Variants in KIRREL3 observed in about 807,000 individuals in gnomAD.
The protein encoded by KIRREL3 is kin of IRRE-like protein 3.
KIRREL3 carries 36 observed loss-of-function variants against 89.7 expected under a neutral mutation model. The observed-to-expected ratio is 0.40, with a 90% CI of 0.31 to 0.53. The LOEUF (loss-of-function observed/expected upper bound fraction) is 0.53, where lower values mean the gene tolerates loss of function less well. Among genes scored for constraint, KIRREL3 ranks in the 20% least tolerant of loss-of-function variants. KIRREL3 has a pLI of 0.49. For synonymous variants in KIRREL3, 445 were observed against 441.4 expected (o/e 1.01, Z -0.10); for missense variants, 864 against 1,056.6 (o/e 0.82, Z 2.53).
rs1207422510 is a variant in KIRREL3, at chr11:126,815,635, G to A, written c.55+184820C>T. 7.9e-5 allele frequency among the ~76,000 whole-genome samples: 12 copies of A among 152,208 alleles called. No homozygotes were observed. In the East Asian group the frequency reaches 1.5e-3, roughly 20 times the overall value. On this transcript the variant is annotated intron_variant, in intron 1 of 16. Transcript: ENST00000525144. ...TGCAAGCTCCGCCTCCCACGTTCAC[G>A]CCATTCTCCTGCCTCAGCCTCCCGA... is the stretch of plus-strand genomic sequence containing the variant.
At position 126,641,085 on chromosome 11, in the gene KIRREL3, T is replaced by G. The variant is rs1470170946; in HGVS notation, c.56-78173A>C. Among the ~76,000 whole-genome samples the G allele has an allele frequency of 2.0e-5, 3 of 152,174 alleles. No homozygotes were observed. In the East Asian group the frequency reaches 5.8e-4, roughly 29 times the overall value. On this transcript the variant is annotated intron_variant, in intron 1 of 16. Transcript: ENST00000525144. This position sits in a 1 kb window ranked among gnomAD's most constrained non-coding sequence, Gnocchi z 5.0. ...CACAGGCCTGCCCCTCTCACGGTCT[T>G]CTTCATCTTTGAAGAAGATGATAAA...
At chr11:126,440,596 C>T (rs1229669035) in intron 10 of KIRREL3, 47 bp from the exon 11 acceptor site, 2 of 1,502,766 alleles carry the variant, frequency 1.3e-6, no homozygotes, top group East Asian at 4.9e-5. Context: ...GGGCACGTCC[C>T]TGCTGGCGCC....
At position 126,799,382 on chromosome 11, in the gene KIRREL3, GCGTGTATC is replaced by G. The variant is rs1565741547; in HGVS notation, c.55+201065_55+201072del. On this transcript the variant is annotated intron_variant, in intron 1 of 16. Coordinates refer to ENST00000525144, the MANE Select transcript of KIRREL3 (RefSeq NM_032531.4). The stretch of plus-strand genomic sequence containing the variant: ...TGTATCTGTGTATCTGTGTGTGCAT[GCGTGTATC>G]TGTGTGTGCATCTATCTGTGTGTGC... Among the ~76,000 whole-genome samples, 15 of 107,726 alleles carry G rather than the reference GCGTGTATC, an allele frequency of 1.4e-4. 1 individual carries two copies. Among genetic ancestry groups the G allele is most frequent in the African/African-American group, 6.4e-4 (15 of 23,274 alleles). 70.7% of individuals were successfully genotyped at this position (107,726 alleles called of 152,430 possible). A position where few individuals can be genotyped will look rare whatever the true frequency, so the allele number is the denominator to read the frequency against.
rs1411791302 is a variant in KIRREL3 at position 126,776,275 on chromosome 11, G to T, written c.56-213363C>A. ...GAACAGGGAGGAGCTGGAGGACTTG[G>T]AAGGGAATGTGTGCTTCCGGTGGAG... On this transcript the variant is annotated intron_variant, in intron 1 of 16. Coordinates refer to ENST00000525144, the MANE Select transcript of KIRREL3 (RefSeq NM_032531.4). This position sits in a 1 kb window ranked among gnomAD's most constrained non-coding sequence, Gnocchi z 4.7. Among the ~76,000 whole-genome samples, 1 of 152,200 alleles carries T rather than the reference G, an allele frequency of 6.6e-6. No homozygotes were observed. The highest frequency in any genetic ancestry group is 1.5e-5 in the Non-Finnish European group (1 of 68,042).
At chr11:126,469,446 G>A (rs1179735493) in intron 5 of KIRREL3, among the ~76,000 whole-genome samples, 1 of 152,056 alleles carries the variant, frequency 6.6e-6, no homozygotes, top group Non-Finnish European at 1.5e-5. Flanking sequence ...AGCCCTGGGG[G>A]AGGAGGGGGT....
At position 126,462,892 on chromosome 11, in the gene KIRREL3, T is replaced by C. The variant is rs1956592636; in HGVS notation, c.742+265A>G. On this transcript the variant is annotated intron_variant, in intron 6 of 16. Transcript: ENST00000525144. This position sits in a 1 kb window ranked among gnomAD's most constrained non-coding sequence, Gnocchi z 4.8. The stretch of plus-strand genomic sequence containing the variant: ...CAGCAGAGGCAGCAGCTGACCGTAT[T>C]TATTGGTGTGAAAGTCCCACCTTGT... 6.6e-6 allele frequency among the ~76,000 whole-genome samples: 1 copy of C among 152,156 alleles called. No individual in the cohort carries two copies. Among genetic ancestry groups the C allele is most frequent in the Admixed American group, 6.5e-5 (1 of 15,282 alleles).
rs141914429 is a variant in KIRREL3 at position 126,847,002 on chromosome 11, T to C, written c.55+153453A>G. On this transcript the variant is annotated intron_variant, in intron 1 of 16. Coordinates refer to ENST00000525144, the MANE Select transcript of KIRREL3 (RefSeq NM_032531.4). ...GTGAAAAGAAAACCTGCCTATAATCTGCTCTTTAACAAAATTACAAAGGGT... is the reference window on the plus strand; with the variant it reads ...GTGAAAAGAAAACCTGCCTATAATCCGCTCTTTAACAAAATTACAAAGGGT... Among the ~76,000 whole-genome samples the C allele has an allele frequency of 8.4e-3, 1,284 of 152,296 alleles. 6 individuals carry two copies. Among genetic ancestry groups the C allele is most frequent in the Middle Eastern group, 0.048 (14 of 294 alleles).
chr11:126,964,880 G>A (rs1045240615), intron 1 of KIRREL3, among the ~76,000 whole-genome samples: 4 of 152,230 alleles, frequency 2.6e-5, no homozygotes, highest in South Asian at 2.1e-4. Context: ...GACTCAGTTC[G>A]AAAATGAATT....
At chr11:126,881,528 C>T (rs1283212766) in intron 1 of KIRREL3, among the ~76,000 whole-genome samples, 1 of 152,170 alleles carries the variant, frequency 6.6e-6, no homozygotes, top group Non-Finnish European at 1.5e-5. Flanking sequence ...TTTCTTAAAG[C>T]TCTTAATGCA....
chr11:126,939,294 C>T (rs1948337498), intron 1 of KIRREL3, among the ~76,000 whole-genome samples: 1 of 152,196 alleles, frequency 6.6e-6, no homozygotes, highest in Non-Finnish European at 1.5e-5. Flanking sequence ...GGCTGCTCCA[C>T]CTTCGAGCGC....
In KIRREL3 at chr11:126,684,713, G is replaced by A. The variant is rs575362600; in HGVS notation, c.56-121801C>T. ...GCCAGTGTGACTTATAGTTATCCTG[G>A]TAGGTACTGAAGCTTGTAAAGGCCA... is the stretch of plus-strand genomic sequence containing the variant. On this transcript the variant is annotated intron_variant, in intron 1 of 16. Transcript: ENST00000525144. The surrounding 1 kb of genome is among the most constrained non-coding windows in gnomAD (Gnocchi z 4.2). Among the ~76,000 whole-genome samples, 129 of 152,328 alleles carry A rather than the reference G, an allele frequency of 8.5e-4. No individual in the cohort carries two copies. Among genetic ancestry groups the A allele is most frequent in the Non-Finnish European group, 1.2e-3 (85 of 68,018 alleles).
At chr11:126,841,332 G>A (rs1009108078) in intron 1 of KIRREL3, among the ~76,000 whole-genome samples, 1 of 152,208 alleles carries the variant, frequency 6.6e-6, no homozygotes, top group Non-Finnish European at 1.5e-5. Context: ...CCTAGGCAGA[G>A]CGAGGCGTGT....
In KIRREL3 at chr11:126,905,364, T is replaced by A. The variant is rs1946537933; in HGVS notation, c.55+95091A>T. On this transcript the variant is annotated intron_variant, in intron 1 of 16. Coordinates refer to ENST00000525144, the MANE Select transcript of KIRREL3 (RefSeq NM_032531.4). This position sits in a 1 kb window ranked among gnomAD's most constrained non-coding sequence, Gnocchi z 5.0. ...AACTTCTAACCTTCAACTGCCTTCT[T>A]TTCTCATTTACACAACGCTATCCTG... Among the ~76,000 whole-genome samples, 1 of 152,144 alleles carries A rather than the reference T, an allele frequency of 6.6e-6. No individual in the cohort carries two copies. Among genetic ancestry groups the A allele is most frequent in the Admixed American group, 6.5e-5 (1 of 15,282 alleles).
rs889472034 is a variant in KIRREL3 at position 126,877,479 on chromosome 11, C to G, written c.55+122976G>C. On this transcript the variant is annotated intron_variant, in intron 1 of 16. Transcript: ENST00000525144. The surrounding 1 kb of genome is among the most constrained non-coding windows in gnomAD (Gnocchi z 4.9). ...TGCAATGGAAAGAATCTCTTTCCTCCACTCACTCACTTCCCTCCCCAACTT... is the reference window on the plus strand; with the variant it reads ...TGCAATGGAAAGAATCTCTTTCCTCGACTCACTCACTTCCCTCCCCAACTT... Among the ~76,000 whole-genome samples, 1 of 152,114 alleles carries G rather than the reference C, an allele frequency of 6.6e-6. No individual in the cohort carries two copies. The highest frequency in any genetic ancestry group is 2.4e-5 in the African/African-American group (1 of 41,436).
At chr11:126,951,825 T>C (rs1322176872) in intron 1 of KIRREL3, among the ~76,000 whole-genome samples, 1 of 152,208 alleles carries the variant, frequency 6.6e-6, no homozygotes, top group African/African-American at 2.4e-5. Flanking sequence ...CAACTAGTCC[T>C]GCAAAGAGGC....
At chr11:126,434,355 C>T (rs1462167528) in intron 13 of KIRREL3, among the ~76,000 whole-genome samples, 1 of 152,258 alleles carries the variant, frequency 6.6e-6, no homozygotes, top group Admixed American at 6.5e-5. Flanking sequence ...ACCCTCAGCA[C>T]TAGCATGGAC....
chr11:126,823,829 G>A (rs1468989297), intron 1 of KIRREL3, among the ~76,000 whole-genome samples: 1 of 152,204 alleles, frequency 6.6e-6, no homozygotes, highest in African/African-American at 2.4e-5. Flanking sequence ...GTGAAGTAGG[G>A]GGCTCAAGCT....
intron 1 of KIRREL3, among the ~76,000 whole-genome samples, chr11:126,839,217 A>G (rs1220562122): frequency 6.6e-6 from 1 of 152,206 alleles, no homozygotes; most frequent in East Asian, 1.9e-4. Context: ...ATCATGTACA[A>G]CAGACCATAG....
intron 1 of KIRREL3, among the ~76,000 whole-genome samples, chr11:126,679,884 A>G (rs1439301345): frequency 1.3e-5 from 2 of 152,192 alleles, no homozygotes; most frequent in East Asian, 3.9e-4. Flanking sequence ...AAGGTCCCAG[A>G]GAGAGAATTT....
Sources: gnomAD v4.1 joint callset for allele counts (sites outside exome capture counted in the v4.1 genomes callset) on GRCh38, gnomAD v4.1.1 for gene constraint, Gnocchi (gnomAD v3.1) non-coding constraint, MANE v1.5 for transcripts, NCBI Gene and HGNC (gene_info 2026-07-23, HGNC 2026-07-21) for gene names.